The following TUSC3 variants were observed in gnomAD, a reference collection of about 807,000 sequenced individuals.
TUSC3 encodes tumor suppressor candidate 3, also known as dolichyl-diphosphooligosaccharide--protein glycosyltransferase subunit TUSC3.
In TUSC3, 45 loss-of-function variants were observed where a neutral mutation model predicts 44.8. That is an observed-to-expected ratio of 1.00 (90% CI 0.79 to 1.29). The LOEUF is 1.29. Among genes scored for constraint, TUSC3 ranks in the 50% most tolerant of loss-of-function variants. The pLI, the probability that TUSC3 is intolerant of heterozygous loss-of-function variation, is 0.00. For synonymous variants in TUSC3, 212 were observed against 152.9 expected (o/e 1.39, Z -2.85); for missense variants, 519 against 437.9 (o/e 1.19, Z -1.65).
chr8:15,516,998 G>C (rs1801225188), intron 2 of TUSC3, among the ~76,000 whole-genome samples: 2 of 152,132 alleles, frequency 1.3e-5, no homozygotes, highest in South Asian at 4.1e-4. Flanking sequence ...TTAGAAATAA[G>C]AAGTTCCTCA....
rs1035868625 is a variant in TUSC3 at position 15,581,349 on chromosome 8, C to G, written c.138+40781C>G. 1.1e-3 allele frequency among the ~76,000 whole-genome samples: 165 copies of G among 150,032 alleles called. 2 individuals are homozygous for G. The highest frequency in any genetic ancestry group is 3.8e-3 in the African/African-American group (154 of 40,022). ...AGTCATTCTCCATCCAGCTTTGTTC[C>G]GTTGCTGGTGAGGAACTGCGTTCCT... On this transcript the variant is annotated intron_variant, in intron 1 of 10. Coordinates refer to ENST00000503731, the MANE Select transcript of TUSC3 (RefSeq NM_006765.4).
At chr8:15,463,605 T>C (rs944709841) in intron 1 of TUSC3, among the ~76,000 whole-genome samples, 2 of 152,312 alleles carry the variant, frequency 1.3e-5, no homozygotes, top group African/African-American at 2.4e-5. Flanking sequence ...TAATGGGCTG[T>C]ACTGAAACAA....
At chr8:15,578,472 A>G (rs1375673575) in intron 1 of TUSC3, among the ~76,000 whole-genome samples, 3 of 118,276 alleles carry the variant, frequency 2.5e-5, no homozygotes, top group Admixed American at 9.1e-5. Flanking sequence ...AGCTCTTATT[A>G]TTTTGAGATA....
chr8:15,501,433 A>C (rs1435822555), intron 2 of TUSC3, among the ~76,000 whole-genome samples: 2 of 152,186 alleles, frequency 1.3e-5, no homozygotes, highest in Non-Finnish European at 2.9e-5. Flanking sequence ...TTACAACAGG[A>C]GGTCTTAAGT....
At chr8:15,642,070 C>T (rs1806397425) in intron 2 of TUSC3, among the ~76,000 whole-genome samples, 1 of 152,076 alleles carries the variant, frequency 6.6e-6, no homozygotes, top group African/African-American at 2.4e-5. Flanking sequence ...AAAGAATAGT[C>T]CAAGAACATT....
At chr8:15,540,199 G>T, upstream of TUSC3, 1 of 517,364 alleles carries the variant, frequency 1.9e-6, no homozygotes. Flanking sequence ...CCCTCGCCAC[G>T]CCCACTTCCT....
rs143836923 is a variant in TUSC3 at position 15,618,318 on chromosome 8, A to T, written c.139-4762A>T. Among the ~76,000 whole-genome samples, 804 of 152,204 alleles carry T rather than the reference A, an allele frequency of 5.3e-3. 8 individuals carry two copies. Among genetic ancestry groups the T allele is most frequent in the African/African-American group, 0.018 (763 of 41,530 alleles). ...GTTTTTAATTTTTTTTAACTTTTTG[A>T]CTCTTGTAATAACAGTTAGCTTAAA... On this transcript the variant is annotated intron_variant, in intron 1 of 10. Transcript: ENST00000503731.
intron 6 of TUSC3, among the ~76,000 whole-genome samples, chr8:15,706,015 C>T (rs769168603): frequency 6.6e-6 from 1 of 151,892 alleles, no homozygotes; most frequent in Non-Finnish European, 1.5e-5. Flanking sequence ...TCATATTATA[C>T]ATGGTTGGAT....
intron 1 of TUSC3, among the ~76,000 whole-genome samples, chr8:15,567,582 C>A (rs80247298): frequency 6.6e-6 from 1 of 152,072 alleles, no homozygotes; most frequent in African/African-American, 2.4e-5. Flanking sequence ...TCTCTTGTAT[C>A]GCTTTTTAAA....
intron 1 of TUSC3, among the ~76,000 whole-genome samples, chr8:15,597,334 G>C (rs1288652938): frequency 2.0e-5 from 3 of 152,090 alleles, no homozygotes; most frequent in Non-Finnish European, 4.4e-5. Context: ...TGTAATCTGG[G>C]ACAGTTTTCC....
the TUSC3 span, among the ~76,000 whole-genome samples, chr8:15,849,448 C>T: frequency 2.0e-5 from 3 of 152,098 alleles, no homozygotes; most frequent in African/African-American, 4.8e-5. Flanking sequence ...GAAGTTTCCA[C>T]ATGGTGAAAC....
chr8:15,614,620 G>A (rs1006366301), intron 1 of TUSC3, among the ~76,000 whole-genome samples: 1 of 152,076 alleles, frequency 6.6e-6, no homozygotes, highest in African/African-American at 2.4e-5. Context: ...GCAGTTACAA[G>A]TTGGCTTCTT....
the TUSC3 span, among the ~76,000 whole-genome samples, chr8:15,810,487 A>G: frequency 2.6e-5 from 4 of 151,710 alleles, no homozygotes; most frequent in African/African-American, 9.7e-5. Flanking sequence ...ATAATTAAAA[A>G]CTTAGCTGGG....
chr8:15,598,746 T>C (rs904025460), intron 1 of TUSC3, among the ~76,000 whole-genome samples: 1 of 151,926 alleles, frequency 6.6e-6, no homozygotes, highest in Non-Finnish European at 1.5e-5. Context: ...CATTTAAGTT[T>C]TCTCTATGTT....
At chr8:15,601,196 T>A (rs1186884667) in intron 1 of TUSC3, among the ~76,000 whole-genome samples, 1 of 151,770 alleles carries the variant, frequency 6.6e-6, no homozygotes, top group Non-Finnish European at 1.5e-5. Flanking sequence ...AGAGTATTAT[T>A]TTGACAGGCA....
chr8:15,585,643 C>G (rs1018227351), intron 1 of TUSC3, among the ~76,000 whole-genome samples: 14 of 152,126 alleles, frequency 9.2e-5, no homozygotes, highest in African/African-American at 3.1e-4. Context: ...CAATCACTCC[C>G]TATTGGTTTG....
rs191432035 is a variant in TUSC3 at position 15,657,580 on chromosome 8, A to G, written c.427-1927A>G. Among the ~76,000 whole-genome samples, 12 of 152,292 alleles carry G rather than the reference A, an allele frequency of 7.9e-5. No homozygotes were observed. In the East Asian group the frequency reaches 2.3e-3, roughly 29 times the overall value. ...GCATTCTGATCATAACCACTTAAAT[A>G]AGAAGTTGTAGACTTTCCTTGCACC... is the stretch of plus-strand genomic sequence containing the variant. On this transcript the variant is annotated intron_variant, in intron 3 of 10. Coordinates refer to ENST00000503731, the MANE Select transcript of TUSC3 (RefSeq NM_006765.4).
At chr8:15,630,714 C>G (rs1165409980) in intron 2 of TUSC3, among the ~76,000 whole-genome samples, 2 of 152,084 alleles carry the variant, frequency 1.3e-5, no homozygotes, top group African/African-American at 4.8e-5. Flanking sequence ...TTATTAGTGT[C>G]TTAGGGCAGT....
intron 1 of TUSC3, among the ~76,000 whole-genome samples, chr8:15,563,202 C>T (rs77681216): frequency 0.027 from 4,060 of 152,094 alleles, 202 homozygotes; most frequent in East Asian, 0.22. Context: ...GTGATGATAA[C>T]TTTATCATCA....
Sources: allele counts gnomAD v4.1 joint callset (sites outside exome capture counted in the v4.1 genomes callset), GRCh38; gene constraint gnomAD v4.1.1; transcripts MANE v1.5; gene names NCBI Gene and HGNC (gene_info 2026-07-23, HGNC 2026-07-21).